The following LRRC37A2 variants were observed in gnomAD, a reference collection of about 807,000 sequenced individuals.
LRRC37A2 encodes leucine-rich repeat-containing protein 37A2.
In LRRC37A2, 9 loss-of-function variants were observed where a neutral mutation model predicts 68.8. That is an observed-to-expected ratio of 0.13 (90% CI 0.08 to 0.23). LRRC37A2 has a LOEUF of 0.23. Ranked by LOEUF, LRRC37A2 falls within the 10% of genes least tolerant of loss-of-function variation. The probability of loss-of-function intolerance (pLI) is 1.00; values close to 1 mark genes in which losing one functional copy is unlikely to be tolerated. For synonymous variants in LRRC37A2, 63 were observed against 367.6 expected, an observed-to-expected ratio of 0.17 and a Z score of 9.48; for missense variants, 168 against 950.4, an observed-to-expected ratio of 0.18 and a Z score of 10.82.
chr17:46,717,999 TG>T, the LRRC37A2 span, among the ~76,000 whole-genome samples: 1 of 152,100 alleles, frequency 6.6e-6, no homozygotes, highest in Non-Finnish European at 1.5e-5. Flanking sequence ...TAGTGGTGGG[TG>T]GTAGCCTGCT....
At chr17:46,707,206 T>C in the LRRC37A2 span, among the ~76,000 whole-genome samples, 2 of 152,214 alleles carry the variant, frequency 1.3e-5, no homozygotes, top group African/African-American at 2.4e-5. Flanking sequence ...ATTTCAGTCT[T>C]GATTTGCATT....
At chr17:46,936,061 G>C in the LRRC37A2 span, 1 of 985,822 alleles carries the variant, frequency 1.0e-6, no homozygotes, top group Non-Finnish European at 1.2e-6. Flanking sequence ...TCTCTACGGG[G>C]GAGAGGGTCA....
At chr17:46,575,643 TG>T in the LRRC37A2 span, among the ~76,000 whole-genome samples, 1 of 96,506 alleles carries the variant, frequency 1.0e-5, no homozygotes, top group African/African-American at 4.3e-5. Context: ...TGTGTTCACA[TG>T]TCTCCCTTGT....
chr17:46,967,033 T>A, the LRRC37A2 span: 16 of 203,602 alleles, frequency 7.9e-5, no homozygotes, highest in Non-Finnish European at 1.4e-4. Flanking sequence ...GGGCTGTGTG[T>A]CCAACAAAGG....
At chr17:46,783,979 C>T in the LRRC37A2 span, among the ~76,000 whole-genome samples, 2 of 152,088 alleles carry the variant, frequency 1.3e-5, no homozygotes, top group African/African-American at 4.8e-5. Context: ...GGCTGGGAGG[C>T]GGGGTTGACG....
the LRRC37A2 span, among the ~76,000 whole-genome samples, chr17:46,795,333 G>A: frequency 1.5e-4 from 23 of 152,172 alleles, no homozygotes; most frequent in African/African-American, 5.3e-4. Context: ...CAAGAATAAA[G>A]CCCTAGGCAG....
chr17:46,832,378 C>T, the LRRC37A2 span, among the ~76,000 whole-genome samples: 1 of 135,352 alleles, frequency 7.4e-6, no homozygotes, highest in African/African-American at 2.9e-5. Flanking sequence ...ATACACAACA[C>T]AAGACACAGG....
the LRRC37A2 span, among the ~76,000 whole-genome samples, chr17:46,737,899 A>G: frequency 6.7e-6 from 1 of 149,954 alleles, no homozygotes; most frequent in East Asian, 2.0e-4. Flanking sequence ...TATGTATGCT[A>G]AAATTAGCAT....
chr17:46,771,681 G>A, the LRRC37A2 span, among the ~76,000 whole-genome samples: 2 of 143,478 alleles, frequency 1.4e-5, no homozygotes, highest in Non-Finnish European at 3.1e-5. Context: ...GCGTAGCAAC[G>A]GGCGGCTCCC....
At chr17:46,867,974 C>G in the LRRC37A2 span, among the ~76,000 whole-genome samples, 417 of 152,172 alleles carry the variant, frequency 2.7e-3, 3 homozygotes, top group African/African-American at 9.7e-3. Flanking sequence ...AGGGCACAGA[C>G]TGGGGGCAGC....
intron 6 of LRRC37A2, among the ~76,000 whole-genome samples, chr17:46,525,967 C>A (rs1335874640): frequency 3.5e-5 from 3 of 85,722 alleles, no homozygotes; most frequent in Admixed American, 1.1e-4. Flanking sequence ...ACTTGAGAGA[C>A]ACTAACTTGC....
the LRRC37A2 span, among the ~76,000 whole-genome samples, chr17:46,912,607 C>A: frequency 6.6e-6 from 1 of 152,218 alleles, no homozygotes; most frequent in Non-Finnish European, 1.5e-5. Context: ...GGGCAACATC[C>A]CCTCTACTTG....
the LRRC37A2 span, among the ~76,000 whole-genome samples, chr17:47,039,028 G>A: frequency 6.7e-6 from 1 of 149,984 alleles, no homozygotes. Flanking sequence ...ATTCACATTA[G>A]TACTCCTTAT....
chr17:46,882,364 C>T, the LRRC37A2 span, among the ~76,000 whole-genome samples: 5 of 152,180 alleles, frequency 3.3e-5, no homozygotes, highest in East Asian at 1.9e-4. Context: ...TTTGCCTGAT[C>T]GTTTCCTTGT....
chr17:46,772,001 C>T, the LRRC37A2 span, among the ~76,000 whole-genome samples: 1 of 151,080 alleles, frequency 6.6e-6, no homozygotes, highest in South Asian at 2.1e-4. Context: ...AAGACGCGCG[C>T]CCCGGGCTGC....
At chr17:46,869,722 G>A in the LRRC37A2 span, among the ~76,000 whole-genome samples, 1 of 152,174 alleles carries the variant, frequency 6.6e-6, no homozygotes, top group South Asian at 2.1e-4. Flanking sequence ...GCTTGGGCAG[G>A]GTGCAGTGGC....
At chr17:46,870,612 A>G in the LRRC37A2 span, among the ~76,000 whole-genome samples, 1 of 152,228 alleles carries the variant, frequency 6.6e-6, no homozygotes, top group East Asian at 1.9e-4. Context: ...ATGGGTGTGG[A>G]ATCTACAGGT....
At chr17:46,881,445 CCTT>C in the LRRC37A2 span, among the ~76,000 whole-genome samples, 14 of 152,312 alleles carry the variant, frequency 9.2e-5, no homozygotes, top group Middle Eastern at 6.8e-3. Context: ...AGGTGGACAC[CCTT>C]CTTCTTTTTT....
chr17:46,904,224 G>A, the LRRC37A2 span, among the ~76,000 whole-genome samples: 1 of 146,412 alleles, frequency 6.8e-6, no homozygotes. Flanking sequence ...GGGAAGGTGG[G>A]TAGATGGATG....
Sources: allele counts gnomAD v4.1 joint callset (sites outside exome capture counted in the v4.1 genomes callset), GRCh38; gene constraint gnomAD v4.1.1; transcripts MANE v1.5; gene names NCBI Gene and HGNC (gene_info 2026-07-23, HGNC 2026-07-21).